Variants in CRIM1 observed in about 807,000 individuals in gnomAD.
CRIM1 encodes cysteine-rich motor neuron 1 protein.
Under a neutral mutation model 116.4 loss-of-function variants are expected in CRIM1, and 32 were observed. The observed-to-expected ratio is 0.27, with a 90% CI of 0.21 to 0.37. The LOEUF is 0.37. Among genes scored for constraint, CRIM1 ranks in the 10% least tolerant of loss-of-function variants. The pLI is 1.00. For synonymous variants in CRIM1, 590 were observed against 509.2 expected (o/e 1.16, Z -2.13); for missense variants, 1,331 against 1,354.8 (o/e 0.98, Z 0.28).
chr2:36,504,548 C>T (rs993004197), intron 8 of CRIM1, among the ~76,000 whole-genome samples: 1 of 152,184 alleles, frequency 6.6e-6, no homozygotes, highest in Non-Finnish European at 1.5e-5. Flanking sequence ...ATTCTTGTAA[C>T]ACTAAGAAAA....
chr2:36,383,641 A>G (rs1453864339), intron 1 of CRIM1, among the ~76,000 whole-genome samples: 1 of 152,188 alleles, frequency 6.6e-6, no homozygotes, highest in East Asian at 1.9e-4. Context: ...TTCTGCTCTC[A>G]AGAAGCTCAG....
At chr2:36,496,054 A>C (rs1680570588) in intron 7 of CRIM1, among the ~76,000 whole-genome samples, 1 of 152,166 alleles carries the variant, frequency 6.6e-6, no homozygotes, top group Non-Finnish European at 1.5e-5. Context: ...GGAGACAACT[A>C]GTTGCCTGCA....
chr2:36,395,078 G>A (rs866264151), intron 1 of CRIM1, among the ~76,000 whole-genome samples: 5 of 143,660 alleles, frequency 3.5e-5, no homozygotes, highest in Admixed American at 7.2e-5. Flanking sequence ...GCAGTGGCAT[G>A]ATCTTGGCTG....
chr2:36,499,204 T>A lies in CRIM1; in HGVS notation c.1373-15T>A, dbSNP rs1241224888. On this transcript the variant is annotated splice_polypyrimidine_tract_variant and intron_variant, in intron 7 of 16. Transcript: ENST00000280527. ...ATATGTTTCATTGGTTATTTTTTTCTCTATTTATTATTAGAACCAACCATC... is the reference window on the plus strand; with the variant it reads ...ATATGTTTCATTGGTTATTTTTTTCACTATTTATTATTAGAACCAACCATC... 6.3e-7 allele frequency: 1 copy of A among 1,596,636 alleles called. No homozygotes were observed. The highest frequency in any genetic ancestry group is 1.7e-5 in the Admixed American group (1 of 58,756).
chr2:36,476,441 G>C (rs1293492428), intron 5 of CRIM1, among the ~76,000 whole-genome samples: 2 of 152,112 alleles, frequency 1.3e-5, no homozygotes, highest in Non-Finnish European at 2.9e-5. Context: ...ATTTAAGAGA[G>C]AGCACTGGGG....
intron 1 of CRIM1, among the ~76,000 whole-genome samples, chr2:36,371,920 A>G (rs560138368): frequency 4.6e-4 from 70 of 152,368 alleles, no homozygotes; most frequent in Middle Eastern, 3.4e-3. Context: ...TGACCATATC[A>G]TCATGACTTG....
rs1667511388 is a variant in CRIM1 at position 36,548,435 on chromosome 2, T to G, written c.2935-90T>G. 2.4e-5 allele frequency: 22 copies of G among 913,600 alleles called. No homozygotes were observed. In the South Asian group the frequency reaches 3.9e-4, roughly 16 times the overall value. The allele number at this position is 913,600 out of a possible 1,614,324, so 56.6% of individuals were successfully genotyped here. The stretch of plus-strand genomic sequence containing the variant: ...ATCAATGAATTGTGAAACTGTTATC[T>G]CACCTGAGTTAGGTACTAAATTTCT... On this transcript the variant is annotated intron_variant, in intron 16 of 16. Coordinates refer to ENST00000280527, the MANE Select transcript of CRIM1 (RefSeq NM_016441.3).
chr2:36,495,264 G>A (rs991245612), intron 7 of CRIM1, among the ~76,000 whole-genome samples: 6 of 152,158 alleles, frequency 3.9e-5, no homozygotes, highest in Non-Finnish European at 8.8e-5. Flanking sequence ...GCACAGAAAT[G>A]TAGGATTTAA....
chr2:36,533,555 C>G (rs1666265472), intron 13 of CRIM1, among the ~76,000 whole-genome samples: 1 of 152,118 alleles, frequency 6.6e-6, no homozygotes, highest in Non-Finnish European at 1.5e-5. Context: ...GATTGCACCA[C>G]TACACTCCAG....
In CRIM1 at chr2:36,544,435, G is replaced by A. The variant is rs1221590846; in HGVS notation, c.2683G>A (p.Val895Ile). Residue 895 changes from valine to isoleucine, a missense_variant, in exon 15 of 17, where the codon GTT (valine) becomes ATT (isoleucine). Transcript: ENST00000280527. Reference protein sequence around the residue: ...PIEKTNHRGEVDLEVPLWPTP... With the variant: ...PIEKTNHRGEIDLEVPLWPTP... The stretch of plus-strand genomic sequence containing the variant: ...TGAGAAGACAAACCATCGAGGAGAG[G>A]TTGACCTGGAGGTTCCCCTGTGGCC... The A allele has an allele frequency of 1.4e-6, 2 of 1,428,984 alleles. No individual in the cohort carries two copies. The highest frequency in any genetic ancestry group is 1.8e-6 in the Non-Finnish European group (2 of 1,085,342). 88.5% of individuals were successfully genotyped at this position (1,428,984 alleles called of 1,614,324 possible). A position where few individuals can be genotyped will look rare whatever the true frequency, so the allele number is the denominator to read the frequency against.
intron 2 of CRIM1, among the ~76,000 whole-genome samples, chr2:36,413,111 C>A (rs1239386551): frequency 3.3e-5 from 5 of 152,130 alleles, no homozygotes; most frequent in African/African-American, 1.2e-4. Flanking sequence ...ATGAACCAAT[C>A]TGTATTAATA....
chr2:36,477,357 C>G (rs534365259), intron 6 of CRIM1, among the ~76,000 whole-genome samples: 1 of 152,274 alleles, frequency 6.6e-6, no homozygotes, highest in African/African-American at 2.4e-5. Flanking sequence ...CCCTGCAGTT[C>G]TAGCAATTCC....
intron 5 of CRIM1, among the ~76,000 whole-genome samples, chr2:36,467,926 C>T (rs1290350416): frequency 2.0e-5 from 3 of 152,204 alleles, no homozygotes; most frequent in Non-Finnish European, 1.5e-5. Flanking sequence ...TGAAGTTGAT[C>T]ATGTGCTTAA....
intron 5 of CRIM1, among the ~76,000 whole-genome samples, chr2:36,471,820 G>T (rs1256560390): frequency 1.3e-5 from 2 of 151,884 alleles, no homozygotes; most frequent in Non-Finnish European, 2.9e-5. Flanking sequence ...CATGTGGCCC[G>T]CAGGCTGCAG....
At chr2:36,535,902 A>T (rs1321916933) in intron 13 of CRIM1, among the ~76,000 whole-genome samples, 1 of 152,234 alleles carries the variant, frequency 6.6e-6, no homozygotes, top group Non-Finnish European at 1.5e-5. Flanking sequence ...GGCCTAAAGT[A>T]TACAGGGGGA....
chr2:36,544,540 G>T, intron 15 of CRIM1, 42 bp downstream of exon 15: 1 of 1,313,374 alleles, frequency 7.6e-7, no homozygotes, highest in South Asian at 3.1e-5. Flanking sequence ...TTTTCTATGT[G>T]GTCTACTTAG....
intron 2 of CRIM1, among the ~76,000 whole-genome samples, chr2:36,400,024 T>C (rs1672300490): frequency 1.3e-5 from 2 of 152,152 alleles, no homozygotes; most frequent in Admixed American, 6.5e-5. Context: ...CTTATGTAGG[T>C]GTGCAGTTTA....
chr2:36,394,736 T>C (rs3770936), intron 1 of CRIM1, among the ~76,000 whole-genome samples: 111,677 of 151,774 alleles, frequency 0.74, 42,111 homozygotes, highest in East Asian at 0.99. Context: ...ACTTCAAATC[T>C]GAAAGATAAT....
chr2:36,477,409 T>A (rs1011483785), intron 6 of CRIM1, among the ~76,000 whole-genome samples: 1 of 152,194 alleles, frequency 6.6e-6, no homozygotes, highest in African/African-American at 2.4e-5. Context: ...ACCCTGGCAT[T>A]AGAGCTCACC....
Sources: allele counts gnomAD v4.1 joint callset (sites outside exome capture counted in the v4.1 genomes callset), GRCh38; gene constraint gnomAD v4.1.1; transcripts MANE v1.5; gene names NCBI Gene and HGNC (gene_info 2026-07-23, HGNC 2026-07-21).